Variants in ZNF395 observed in about 807,000 individuals in gnomAD.
ZNF395 encodes zinc finger protein 395.
ZNF395 carries 20 observed loss-of-function variants against 57.7 expected under a neutral mutation model. That is an observed-to-expected ratio of 0.35 (90% CI 0.24 to 0.50). ZNF395 has a LOEUF of 0.50. ZNF395 is among the 20% of genes least tolerant of loss of function. The pLI is 0.97. For missense variants in ZNF395, 606 were observed against 671.2 expected, an observed-to-expected ratio of 0.90 and a Z score of 1.07; for synonymous variants, 295 against 275.9, an observed-to-expected ratio of 1.07 and a Z score of -0.69.
intron 1 of ZNF395, 76 bp from the exon 2 acceptor site, chr8:28,361,258 C>T: frequency 2.4e-6 from 3 of 1,246,476 alleles, no homozygotes; most frequent in South Asian, 2.7e-5. Flanking sequence ...AATAAGTGAA[C>T]CCTTTAAAGT....
chr8:28,364,965 C>T (rs576756200), intron 1 of ZNF395, among the ~76,000 whole-genome samples: 2 of 152,314 alleles, frequency 1.3e-5, no homozygotes, highest in East Asian at 3.9e-4. Flanking sequence ...TTGGGGAAGA[C>T]CTTTATACAC....
chr8:28,350,860 A>C (rs1164480747), intron 7 of ZNF395, among the ~76,000 whole-genome samples: 1 of 152,264 alleles, frequency 6.6e-6, no homozygotes, highest in East Asian at 1.9e-4. Flanking sequence ...TACTACATGC[A>C]GCGAAGACCA....
At chr8:28,373,555 G>A (rs556658011) in intron 1 of ZNF395, among the ~76,000 whole-genome samples, 2 of 152,188 alleles carry the variant, frequency 1.3e-5, no homozygotes, top group African/African-American at 2.4e-5. Flanking sequence ...CCGCAGGTGC[G>A]GTGACGGTCT....
At chr8:28,373,877 G>A (rs1038852080) in intron 1 of ZNF395, among the ~76,000 whole-genome samples, 4 of 151,998 alleles carry the variant, frequency 2.6e-5, no homozygotes, top group African/African-American at 7.3e-5. Context: ...GGCATCCCCC[G>A]TCCCACAGTA....
intron 1 of ZNF395, among the ~76,000 whole-genome samples, chr8:28,376,732 T>C (rs1364382342): frequency 1.3e-5 from 2 of 152,072 alleles, no homozygotes; most frequent in Non-Finnish European, 2.9e-5. Context: ...ACAGACACCA[T>C]GTGAGGCATA....
intron 1 of ZNF395, among the ~76,000 whole-genome samples, chr8:28,378,941 G>C (rs779208454): frequency 4.6e-5 from 7 of 152,106 alleles, no homozygotes; most frequent in Admixed American, 6.6e-5. Flanking sequence ...CCAGTCTTTC[G>C]GGTCAAAGGG....
chr8:28,354,141 A>G (rs1308487019), intron 4 of ZNF395, among the ~76,000 whole-genome samples: 2 of 152,212 alleles, frequency 1.3e-5, no homozygotes, highest in African/African-American at 4.8e-5. Context: ...GCAAGGTGGC[A>G]GGGGGCTTTC....
rs1801600402 is a variant in ZNF395 at position 28,346,388 on chromosome 8, G to A, written c.*2331C>T. The stretch of plus-strand genomic sequence containing the variant: ...ACCCCGAGAACAGAGCACGTGTGAA[G>A]AACCAACACGACAGGCACGGGATGG... On this transcript the variant is annotated 3_prime_UTR_variant, in exon 10 of 10. Transcript: ENST00000344423. 6.6e-6 allele frequency: 1 copy of A among 152,214 alleles called. No individual in the cohort carries two copies. The highest frequency in any genetic ancestry group is 2.1e-4 in the South Asian group (1 of 4,804). 9.4% of individuals were successfully genotyped at this position (152,214 alleles called of 1,614,324 possible). A position where few individuals can be genotyped will look rare whatever the true frequency, so the allele number is the denominator to read the frequency against.
At chr8:28,364,579 G>A (rs562059192) in intron 1 of ZNF395, among the ~76,000 whole-genome samples, 11 of 151,616 alleles carry the variant, frequency 7.3e-5, no homozygotes, top group East Asian at 3.9e-4. Flanking sequence ...GCTTGAACCC[G>A]GGAGGCAGAG....
chr8:28,364,388 C>T (rs903513545), intron 1 of ZNF395, among the ~76,000 whole-genome samples: 4 of 152,192 alleles, frequency 2.6e-5, no homozygotes, highest in African/African-American at 4.8e-5. Context: ...CAGTGGCTCA[C>T]GCCTGTAATC....
At chr8:28,360,296 G>T (rs892492800) in intron 2 of ZNF395, among the ~76,000 whole-genome samples, 1 of 152,230 alleles carries the variant, frequency 6.6e-6, no homozygotes, top group Non-Finnish European at 1.5e-5. Context: ...CTCACAGGCA[G>T]GGAGGCCTGG....
chr8:28,352,886 T>G lies in ZNF395; in HGVS notation c.820-213A>C, dbSNP rs1801734483. ...CCTAGTGGCCAACAGCAGTGCTCCA[T>G]GCTGTGGCTAAGACCCTACTGGAGG... On this transcript the variant is annotated intron_variant, in intron 5 of 9. Coordinates refer to ENST00000344423, the MANE Select transcript of ZNF395 (RefSeq NM_018660.3). The surrounding 1 kb of genome is among the most constrained non-coding windows in gnomAD (Gnocchi z 4.0). 1.3e-5 allele frequency among the ~76,000 whole-genome samples: 2 copies of G among 152,160 alleles called. No individual in the cohort carries two copies. The highest frequency in any genetic ancestry group is 4.8e-5 in the African/African-American group (2 of 41,426).
intron 1 of ZNF395, among the ~76,000 whole-genome samples, chr8:28,370,880 A>G (rs1339312653): frequency 6.6e-6 from 1 of 152,242 alleles, no homozygotes; most frequent in Non-Finnish European, 1.5e-5. Context: ...CATCTAAGTG[A>G]CAAGAGAATA....
chr8:28,360,435 G>A (rs1203203138), intron 2 of ZNF395, among the ~76,000 whole-genome samples: 1 of 152,248 alleles, frequency 6.6e-6, no homozygotes, highest in Non-Finnish European at 1.5e-5. Context: ...CAGGGGCAGG[G>A]ATGCTGGAAA....
intron 1 of ZNF395, among the ~76,000 whole-genome samples, chr8:28,362,593 C>A (rs893813151): frequency 6.6e-6 from 1 of 151,768 alleles, no homozygotes; most frequent in African/African-American, 2.4e-5. Context: ...TGTGGCACAG[C>A]CCTTAGCTCA....
Position 28,346,218 on chromosome 8 carries a change from AAAGCCC to A in ZNF395, c.*2495_*2500del, listed in dbSNP as rs1183803890. On this transcript the variant is annotated 3_prime_UTR_variant, in exon 10 of 10. Coordinates refer to ENST00000344423, the MANE Select transcript of ZNF395 (RefSeq NM_018660.3). ...TGAAAACCAGTCCCGTTAGTTTCTA[AAAGCCC>A]ACCTACGGCACCTTCCTTCCATCAG... is the stretch of plus-strand genomic sequence containing the variant. The A allele has an allele frequency of 6.6e-6, 1 of 152,168 alleles. No homozygotes were observed. Among genetic ancestry groups the A allele is most frequent in the Non-Finnish European group, 1.5e-5 (1 of 68,034 alleles). The allele number at this position is 152,168 out of a possible 1,614,324, so 9.4% of individuals were successfully genotyped here. A position where few individuals can be genotyped will look rare whatever the true frequency, so the allele number is the denominator to read the frequency against.
chr8:28,384,514 C>T (rs539971983), intron 1 of ZNF395, among the ~76,000 whole-genome samples: 2 of 152,330 alleles, frequency 1.3e-5, no homozygotes, highest in Admixed American at 6.5e-5. Flanking sequence ...TCTGATTTCA[C>T]ATGCTGACAT....
intron 1 of ZNF395, among the ~76,000 whole-genome samples, chr8:28,369,915 T>C (rs530817187): frequency 5.3e-5 from 8 of 152,268 alleles, no homozygotes; most frequent in South Asian, 2.1e-4. Flanking sequence ...CTTAATGAAT[T>C]TGGGGCCTAA....
Position 28,361,190 on chromosome 8 carries a change from A to C in ZNF395, c.-58-8T>G. The stretch of plus-strand genomic sequence containing the variant: ...GAAGCCTCTGCCCATCACCTGGGGG[A>C]ATCAGGAAGCTTTCAGGAGGGAGCC... On this transcript the variant is annotated splice_polypyrimidine_tract_variant and splice_region_variant and intron_variant, in intron 1 of 9. Transcript: ENST00000344423. 1 of 1,602,122 alleles carries C rather than the reference A, an allele frequency of 6.2e-7. No homozygotes were observed. The highest frequency in any genetic ancestry group is 8.5e-7 in the Non-Finnish European group (1 of 1,179,432).
Sources: gnomAD v4.1 joint callset for allele counts (sites outside exome capture counted in the v4.1 genomes callset) on GRCh38, gnomAD v4.1.1 for gene constraint, Gnocchi (gnomAD v3.1) non-coding constraint, MANE v1.5 for transcripts, NCBI Gene and HGNC (gene_info 2026-07-23, HGNC 2026-07-21) for gene names.